TSHR: variants seen among roughly 807,000 people sequenced by gnomAD.
The protein encoded by TSHR is thyrotropin receptor.
In TSHR, 51 loss-of-function variants were observed where a neutral mutation model predicts 64.1. That is an observed-to-expected ratio of 0.80 (90% CI 0.64 to 1.01). TSHR has a LOEUF of 1.01. Among genes scored for constraint, TSHR ranks in the 50% least tolerant of loss-of-function variants. The pLI is 0.00. For missense variants in TSHR, 877 were observed against 942.8 expected (o/e 0.93, Z 0.91); for synonymous variants, 361 against 361.9 (o/e 1.00, Z 0.03).
rs1426461720 is a variant in TSHR, at chr14:81,144,047, G to C, written c.1989G>C (p.Leu663=). The C allele has an allele frequency of 6.2e-7, 1 of 1,614,092 alleles. No homozygotes were observed. The highest frequency in any genetic ancestry group is 2.2e-5 in the East Asian group (1 of 44,872). ...CTGTTAGCAACTCCAAAATCTTGCT[G>C]GTACTCTTCTATCCACTTAACTCCT... ...LITVSNSKIL[L]VLFYPLNSCA... is the part of the protein sequence containing the mutation. The change falls in exon 10 of 10, where the codon CTG becomes CTC. Residue 663 remains leucine (L), a synonymous_variant. Transcript: ENST00000298171.
intron 8 of TSHR, among the ~76,000 whole-genome samples, chr14:81,110,229 C>T (rs1437124971): frequency 6.6e-6 from 1 of 152,152 alleles, no homozygotes; most frequent in African/African-American, 2.4e-5. Context: ...AATGCTGAAG[C>T]CTTAACCTCT....
chr14:81,122,263 G>A (rs1401044381), intron 8 of TSHR, among the ~76,000 whole-genome samples: 1 of 151,246 alleles, frequency 6.6e-6, no homozygotes, highest in Non-Finnish European at 1.5e-5. Context: ...GGCTGGTCTC[G>A]AACTCTTGAC....
At chr14:81,102,435 A>G (rs536623446) in intron 7 of TSHR, among the ~76,000 whole-genome samples, 1 of 152,342 alleles carries the variant, frequency 6.6e-6, no homozygotes, top group East Asian at 1.9e-4. Context: ...TACTTTCTTG[A>G]CATTTTTATG....
At chr14:81,139,924 T>C (rs1891615295) in intron 9 of TSHR, 57 bp downstream of exon 9, 2 of 1,600,134 alleles carry the variant, frequency 1.2e-6, no homozygotes, top group Admixed American at 3.4e-5. Flanking sequence ...GTGGAATTCA[T>C]TTCTTGGTTT....
intron 1 of TSHR, among the ~76,000 whole-genome samples, chr14:80,956,701 T>C (rs1886713264): frequency 6.6e-6 from 1 of 152,192 alleles, no homozygotes; most frequent in Admixed American, 6.5e-5. Flanking sequence ...ATGCAGGTTA[T>C]TAAAGAAAAT....
intron 7 of TSHR, among the ~76,000 whole-genome samples, chr14:81,100,529 G>A (rs1889511845): frequency 6.6e-6 from 1 of 152,222 alleles, no homozygotes; most frequent in Non-Finnish European, 1.5e-5. Context: ...GATAGCATCA[G>A]ATCCACAGGT....
intron 1 of TSHR, among the ~76,000 whole-genome samples, chr14:80,963,209 G>A (rs1887124360): frequency 6.6e-6 from 1 of 152,050 alleles, no homozygotes; most frequent in Admixed American, 6.6e-5. Context: ...TTAATACTAT[G>A]GGTCTGATTT....
intron 1 of TSHR, chr14:80,982,775 C>T (rs1888239772): frequency 3.3e-6 from 2 of 597,082 alleles, no homozygotes; most frequent in Non-Finnish European, 5.8e-6. Context: ...CCTGTGGCAA[C>T]AGCCTGCCCT....
chr14:80,965,436 T>C (rs940638690), intron 1 of TSHR, among the ~76,000 whole-genome samples: 2 of 152,214 alleles, frequency 1.3e-5, no homozygotes, highest in Non-Finnish European at 2.9e-5. Flanking sequence ...TGGCTCACAC[T>C]TAGCCTGTCC....
chr14:81,087,739 T>C (rs115994589), intron 3 of TSHR: 8,743 of 603,128 alleles, frequency 0.014, 331 homozygotes, highest in African/African-American at 0.1. Flanking sequence ...AAGCCAACAA[T>C]GCAAAAGAGC....
At chr14:81,085,306 A>C (rs924119783) in intron 3 of TSHR, among the ~76,000 whole-genome samples, 1 of 152,178 alleles carries the variant, frequency 6.6e-6, no homozygotes, top group Admixed American at 6.5e-5. Flanking sequence ...AACTACTGGC[A>C]GTCTACGACC....
chr14:81,095,254 G>C (rs1379148415), intron 6 of TSHR, among the ~76,000 whole-genome samples: 1 of 152,142 alleles, frequency 6.6e-6, no homozygotes, highest in Non-Finnish European at 1.5e-5. Context: ...AAGGGGGGCT[G>C]CTTTTGGTAG....
rs904095531 is a variant in TSHR, at chr14:80,983,102, G to T, written c.170+27252G>T. ...GTATAATGATGCTTATTGAAAGCTTGCTCAGTTTTCCTTCCCCAGAAATGA... is the reference window on the plus strand; with the variant it reads ...GTATAATGATGCTTATTGAAAGCTTTCTCAGTTTTCCTTCCCCAGAAATGA... On this transcript the variant is annotated intron_variant, in intron 1 of 9. Transcript: ENST00000298171. 2.4e-5 allele frequency: 16 copies of T among 662,470 alleles called. No homozygotes were observed. In the African/African-American group the frequency reaches 2.6e-4, roughly 11 times the overall value. 41.0% of individuals were successfully genotyped at this position (662,470 alleles called of 1,614,324 possible).
At chr14:80,964,863 C>T (rs1887216225) in intron 1 of TSHR, among the ~76,000 whole-genome samples, 2 of 152,338 alleles carry the variant, frequency 1.3e-5, no homozygotes, top group East Asian at 1.9e-4. Flanking sequence ...TTAGTTACTA[C>T]TTGAGACTGT....
At chr14:81,114,228 C>G (rs1048362752) in intron 8 of TSHR, among the ~76,000 whole-genome samples, 145 of 152,048 alleles carry the variant, frequency 9.5e-4, no homozygotes, top group African/African-American at 3.4e-3. Flanking sequence ...GCGTCAGCGA[C>G]GCAGAAGACG....
At position 81,074,602 on chromosome 14, in the gene TSHR, T is replaced by C. The variant is rs188818841; in HGVS notation, c.317+6274T>C. Among the ~76,000 whole-genome samples, 62 of 152,290 alleles carry C rather than the reference T, an allele frequency of 4.1e-4. 1 individual carries two copies. The East Asian group carries it at 0.011, about 27-fold the overall frequency. Reference sequence around the variant, plus strand: ...AGTATAGAATTAAAGCCCTCTGATTTGTTTAGGAAAGAGAGCTCTTTATTG... The same window carrying C: ...AGTATAGAATTAAAGCCCTCTGATTCGTTTAGGAAAGAGAGCTCTTTATTG... On this transcript the variant is annotated intron_variant, in intron 3 of 9. Transcript: ENST00000298171.
At chr14:80,956,412 C>T (rs766938286) in intron 1 of TSHR, among the ~76,000 whole-genome samples, 6 of 152,256 alleles carry the variant, frequency 3.9e-5, no homozygotes, top group South Asian at 2.1e-4. Flanking sequence ...TGAAATAGTA[C>T]GTCCAGAACC....
intron 8 of TSHR, among the ~76,000 whole-genome samples, chr14:81,112,196 G>A (rs1319814524): frequency 6.6e-6 from 1 of 152,102 alleles, no homozygotes; most frequent in African/African-American, 2.4e-5. Context: ...TTTCTCATCT[G>A]TCGAAACAGG....
intron 1 of TSHR, among the ~76,000 whole-genome samples, chr14:81,044,225 T>C (rs1050044816): frequency 6.6e-6 from 1 of 151,766 alleles, no homozygotes; most frequent in African/African-American, 2.4e-5. Context: ...ACAAGGAACT[T>C]AAATTTACAA....
Sources: allele counts gnomAD v4.1 joint callset (sites outside exome capture counted in the v4.1 genomes callset), GRCh38; gene constraint gnomAD v4.1.1; transcripts MANE v1.5; gene names NCBI Gene and HGNC (gene_info 2026-07-23, HGNC 2026-07-21).